Variants in TBC1D9B observed in about 807,000 individuals in gnomAD.
The protein encoded by TBC1D9B is TBC1 domain family member 9B, also known as TBC1 domain family, member 9B (with GRAM domain).
Under a neutral mutation model 121.1 loss-of-function variants are expected in TBC1D9B, and 87 were observed. The ratio of observed to expected loss-of-function variants is 0.72; its 90% CI spans 0.60 to 0.86. TBC1D9B has a LOEUF of 0.86. Among genes scored for constraint, TBC1D9B ranks in the 40% least tolerant of loss-of-function variants. TBC1D9B has a pLI of 0.00. For synonymous variants in TBC1D9B, 668 were observed against 670.1 expected (o/e 1.00, Z 0.05); for missense variants, 1,540 against 1,628.6 (o/e 0.95, Z 0.94).
chr5:179,888,146 CTGCCTGGCTGCT>C lies in TBC1D9B; in HGVS notation c.1199_1210del (p.Lys400_Gly403del). On this transcript the variant is annotated inframe_deletion, in exon 7 of 21. Coordinates refer to ENST00000355235, the MANE Select transcript of TBC1D9B (RefSeq NM_015043.4). ...AACACTGGCTTTCCTGCTCCCGATA[CTGCCTGGCTGCT>C]TGGATGGTGTTTTCTGGAGGAAGTC... 1 of 1,613,900 alleles carries C rather than the reference CTGCCTGGCTGCT, an allele frequency of 6.2e-7. No homozygotes were observed. Among genetic ancestry groups the C allele is most frequent in the South Asian group, 1.1e-5 (1 of 91,064 alleles).
At position 179,863,516 on chromosome 5, in the gene TBC1D9B, C is replaced by T. The variant is rs1290411469; in HGVS notation, c.3634G>A (p.Asp1212Asn). 6.2e-7 allele frequency: 1 copy of T among 1,614,074 alleles called. No homozygotes were observed. Among genetic ancestry groups the T allele is most frequent in the Non-Finnish European group, 8.5e-7 (1 of 1,180,050 alleles). ...AACTGTCTCTCCACTTTCTTTTGGT[C>T]CTTGATCTTGAGTCCAATGTCCACT... ...KRVDIGLKIKDQKKVERQFST... is the reference protein window; with the variant it reads ...KRVDIGLKIKNQKKVERQFST... The change falls in exon 21 of 21, where the codon GAC becomes AAC. Residue 1212 changes from aspartate to asparagine, a missense_variant. Coordinates refer to ENST00000355235, the MANE Select transcript of TBC1D9B (RefSeq NM_015043.4). The surrounding 1 kb of genome is among the most constrained non-coding windows in gnomAD (Gnocchi z 4.5).
chr5:179,867,601 C>A (rs779164371), intron 18 of TBC1D9B, 177 bp downstream of exon 18: 5 of 1,489,806 alleles, frequency 3.4e-6, no homozygotes, highest in Non-Finnish European at 4.6e-6. Flanking sequence ...CCACAGGGGG[C>A]GGCCCCAGCC....
At chr5:179,867,264 A>G in intron 18 of TBC1D9B, 2 of 660,772 alleles carry the variant, frequency 3.0e-6, no homozygotes, top group Non-Finnish European at 5.0e-6. Context: ...TTTACCGCCC[A>G]CCTACAGCAG....
At chr5:179,887,875 C>T (rs1180321396) in intron 7 of TBC1D9B, 2 of 602,172 alleles carry the variant, frequency 3.3e-6, no homozygotes, top group African/African-American at 3.7e-5. Context: ...GCAATGGGCC[C>T]AGCAGGAGTG....
At chr5:179,887,242 A>T (rs185180105) in intron 7 of TBC1D9B, among the ~76,000 whole-genome samples, 1 of 152,372 alleles carries the variant, frequency 6.6e-6, no homozygotes, top group Admixed American at 6.5e-5. Context: ...CATATTCTCA[A>T]TGACTGACAG....
At position 179,863,969 on chromosome 5, in the gene TBC1D9B, C is replaced by T. The variant is rs1337185747; in HGVS notation, c.3181G>A (p.Asp1061Asn). 4.3e-6 allele frequency: 7 copies of T among 1,613,850 alleles called. No individual in the cohort carries two copies. In the South Asian group the frequency reaches 7.7e-5, roughly 18 times the overall value. The stretch of plus-strand genomic sequence containing the variant: ...GGCTCGTCCTCCTCAGTGGCACAGT[C>T]CCTGGGCTTCCTGCCTGTGCGGGCT... ...FSARTGRKPR[D>N]CATEEDEPPA... is the part of the protein sequence containing the mutation. The change falls in exon 21 of 21, where the codon GAC becomes AAC. Residue 1061 changes from aspartate to asparagine, a missense_variant. By Grantham distance (23) the Asp-to-Asn change is conservative (BLOSUM62 1). Transcript: ENST00000355235. The surrounding 1 kb of genome is among the most constrained non-coding windows in gnomAD (Gnocchi z 4.5).
intron 17 of TBC1D9B, 128 bp from the exon 18 acceptor site, chr5:179,867,977 C>T (rs2113602822): frequency 2.8e-6 from 2 of 720,360 alleles, no homozygotes; most frequent in East Asian, 2.8e-5. Context: ...CCAGCACCTG[C>T]CCATGACAGT....
chr5:179,864,932 G>A (rs536772292), intron 20 of TBC1D9B, among the ~76,000 whole-genome samples: 138 of 152,342 alleles, frequency 9.1e-4, no homozygotes, highest in Middle Eastern at 3.4e-3. Context: ...GTGAGCCTGC[G>A]TGTGCAGAGC....
chr5:179,893,919 CAAGGAGGGAGGA>C (rs1002271492), intron 4 of TBC1D9B, among the ~76,000 whole-genome samples: 1 of 151,950 alleles, frequency 6.6e-6, no homozygotes, highest in African/African-American at 2.4e-5. Context: ...CTGAGGGAGG[CAAGGAGGGAGGA>C]GGGCTTGGTG....
At chr5:179,867,406 A>G in intron 18 of TBC1D9B, 2 of 1,539,544 alleles carry the variant, frequency 1.3e-6, no homozygotes, top group Non-Finnish European at 1.8e-6. Context: ...GAAGAGTGTT[A>G]GGAGGTACAG....
At chr5:179,878,162 T>C in intron 10 of TBC1D9B, 147 bp downstream of exon 10, 1 of 828,524 alleles carries the variant, frequency 1.2e-6, no homozygotes, top group East Asian at 2.7e-5. Flanking sequence ...GAGCAATTAA[T>C]ACTGTTTTTA....
At chr5:179,873,679 T>C (rs1015850343) in intron 12 of TBC1D9B, among the ~76,000 whole-genome samples, 10 of 152,158 alleles carry the variant, frequency 6.6e-5, no homozygotes, top group African/African-American at 2.4e-4. Context: ...TGGGGAGGCC[T>C]GCTGCAGCCC....
chr5:179,880,391 G>A (rs934387119), intron 7 of TBC1D9B, among the ~76,000 whole-genome samples: 3 of 152,198 alleles, frequency 2.0e-5, no homozygotes, highest in Admixed American at 6.5e-5. Flanking sequence ...AGCCCAGCTC[G>A]ACCAGGGCCA....
rs977275294 is a variant in TBC1D9B, at chr5:179,879,554, C to G, written c.1416+74G>C. On this transcript the variant is annotated intron_variant, in intron 8 of 20. Transcript: ENST00000355235. ...AGGGCCCTGAGGGAAGGCCCAGGCCCAGGACTGGCTCCAGCTTTCCTCCTG... is the reference window on the plus strand; with the variant it reads ...AGGGCCCTGAGGGAAGGCCCAGGCCGAGGACTGGCTCCAGCTTTCCTCCTG... 3.1e-6 allele frequency: 5 copies of G among 1,608,652 alleles called. No individual in the cohort carries two copies. The African/African-American group carries it at 6.7e-5, about 22-fold the overall frequency.
chr5:179,867,359 C>A, intron 18 of TBC1D9B: 1 of 1,428,156 alleles, frequency 7.0e-7, no homozygotes, highest in South Asian at 1.4e-5. Context: ...AGAGAGGTCC[C>A]TGGGACAAAG....
At position 179,874,427 on chromosome 5, in the gene TBC1D9B, A is replaced by G. The variant is rs146067911; in HGVS notation, c.2186+475T>C. Among the ~76,000 whole-genome samples the G allele has an allele frequency of 7.2e-5, 11 of 152,222 alleles. No homozygotes were observed. In the East Asian group the frequency reaches 2.1e-3, roughly 29 times the overall value. On this transcript the variant is annotated intron_variant, in intron 12 of 20. Coordinates refer to ENST00000355235, the MANE Select transcript of TBC1D9B (RefSeq NM_015043.4). This position sits in a 1 kb window ranked among gnomAD's most constrained non-coding sequence, Gnocchi z 4.3. The stretch of plus-strand genomic sequence containing the variant: ...GGTGGAGGGGCTGGGATGACCCTGG[A>G]CATTTGGCGTGACTAGTGGGACATC...
In TBC1D9B at chr5:179,863,985, T is replaced by C. The variant is rs1197487074; in HGVS notation, c.3165A>G (p.Thr1055=). The change falls in exon 21 of 21, where the codon ACA becomes ACG. Residue 1055 remains threonine, a synonymous_variant. Coordinates refer to ENST00000355235, the MANE Select transcript of TBC1D9B (RefSeq NM_015043.4). The surrounding 1 kb of genome is among the most constrained non-coding windows in gnomAD (Gnocchi z 4.5). The part of the protein sequence containing the change: ...GEVGKKFSAR[T]GRKPRDCATE... ...TGGCACAGTCCCTGGGCTTCCTGCC[T>C]GTGCGGGCTGAGAACTTCTTCCCCA... The C allele has an allele frequency of 6.2e-7, 1 of 1,613,870 alleles. No homozygotes were observed. The highest frequency in any genetic ancestry group is 8.5e-7 in the Non-Finnish European group (1 of 1,180,028).
At position 179,897,129 on chromosome 5, in the gene TBC1D9B, G is replaced by T. The variant is rs539355118; in HGVS notation, c.348+2060C>A. ...TCACTGTGTTAGCCAGGATGGTCTC[G>T]ATCTCCTGACCTCGTGATCCGCCCG... On this transcript the variant is annotated intron_variant, in intron 3 of 20. Coordinates refer to ENST00000355235, the MANE Select transcript of TBC1D9B (RefSeq NM_015043.4). 5.1e-4 allele frequency among the ~76,000 whole-genome samples: 78 copies of T among 151,918 alleles called. 1 individual carries two copies. Among genetic ancestry groups the T allele is most frequent in the Non-Finnish European group, 9.9e-4 (67 of 67,954 alleles).
In TBC1D9B at chr5:179,890,202, G is replaced by A. The variant is rs1194086196; in HGVS notation, c.1044+1177C>T. ...TGCAGGCTGGAACGTGGAGGAGCAG[G>A]TGTGTTGAGGGGTCAGCGCTGGCTG... On this transcript the variant is annotated intron_variant, in intron 6 of 20. Coordinates refer to ENST00000355235, the MANE Select transcript of TBC1D9B (RefSeq NM_015043.4). This position sits in a 1 kb window ranked among gnomAD's most constrained non-coding sequence, Gnocchi z 5.0. 2.0e-5 allele frequency among the ~76,000 whole-genome samples: 3 copies of A among 152,222 alleles called. No individual in the cohort carries two copies. Among genetic ancestry groups the A allele is most frequent in the African/African-American group, 2.4e-5 (1 of 41,458 alleles).
Sources: allele counts gnomAD v4.1 joint callset (sites outside exome capture counted in the v4.1 genomes callset), GRCh38; gene constraint gnomAD v4.1.1; non-coding constraint Gnocchi (gnomAD v3.1); transcripts MANE v1.5; gene names NCBI Gene and HGNC (gene_info 2026-07-23, HGNC 2026-07-21).